The following LIMS1 variants were observed in gnomAD, a reference collection of about 807,000 sequenced individuals.
The protein encoded by LIMS1 is LIM zinc finger domain containing 1.
A neutral mutation model predicts 44.1 loss-of-function variants in LIMS1; 18 were observed. The observed-to-expected ratio is 0.41, with a 90% CI of 0.28 to 0.61. LIMS1 has a LOEUF of 0.61. Ranked by LOEUF, LIMS1 falls within the 20% of genes least tolerant of loss-of-function variation. The pLI is 0.32. For synonymous variants in LIMS1, 93 were observed against 149.1 expected (o/e 0.62, Z 2.74); for missense variants, 201 against 422.0 (o/e 0.48, Z 4.59).
intron 1 of LIMS1, among the ~76,000 whole-genome samples, chr2:108,544,487 C>G (rs1684419211): frequency 6.6e-6 from 1 of 152,082 alleles, no homozygotes; most frequent in Non-Finnish European, 1.5e-5. Context: ...TCAGCTTCAA[C>G]AATTATTATT....
chr2:108,549,279 CTTTTTTTTTTTT>C lies in LIMS1; in HGVS notation c.32+14707_32+14718del, dbSNP rs71381966. Among the ~76,000 whole-genome samples the C allele has an allele frequency of 2.6e-3, 144 of 55,782 alleles. 3 individuals are homozygous for C. The highest frequency in any genetic ancestry group is 9.0e-3 in the African/African-American group (119 of 13,276). The allele number at this position is 55,782 out of a possible 152,430, so 36.6% of individuals were successfully genotyped here. A position where few individuals can be genotyped will look rare whatever the true frequency, so the allele number is the denominator to read the frequency against. On this transcript the variant is annotated intron_variant, in intron 1 of 9. Transcript: ENST00000544547. ...ATAATAATGTACAAGTAAAGTGTTT[CTTTTTTTTTTTT>C]TTTTTTTTTTTTTTTTTTTTTGAGA... is the stretch of plus-strand genomic sequence containing the variant.
chr2:108,576,929 C>G (rs1354123921), intron 1 of LIMS1, among the ~76,000 whole-genome samples: 1 of 152,190 alleles, frequency 6.6e-6, no homozygotes, highest in Non-Finnish European at 1.5e-5. Flanking sequence ...AACGTGCCAA[C>G]AGGAGTTTCT....
intron 1 of LIMS1, among the ~76,000 whole-genome samples, chr2:108,557,759 A>G (rs1573323942): frequency 6.6e-6 from 1 of 151,682 alleles, no homozygotes; most frequent in Middle Eastern, 3.4e-3. Flanking sequence ...CAGGTGATCC[A>G]CCTGCCTCAG....
At chr2:108,560,784 G>T (rs574270817) in intron 1 of LIMS1, among the ~76,000 whole-genome samples, 1 of 151,850 alleles carries the variant, frequency 6.6e-6, no homozygotes, top group African/African-American at 2.4e-5. Flanking sequence ...TTTGTTCATC[G>T]TATCCACAAC....
chr2:108,623,314 A>G (rs1414349879), intron 1 of LIMS1, among the ~76,000 whole-genome samples: 2 of 152,130 alleles, frequency 1.3e-5, no homozygotes, highest in East Asian at 3.8e-4. Context: ...AATAGGAATC[A>G]AAGAGAGTAA....
chr2:108,674,716 T>C (rs1692399518), intron 5 of LIMS1, among the ~76,000 whole-genome samples: 1 of 76,896 alleles, frequency 1.3e-5, no homozygotes, highest in African/African-American at 4.4e-5. Flanking sequence ...GCAAGACTCG[T>C]CTCAAAAAAA....
intron 1 of LIMS1, among the ~76,000 whole-genome samples, chr2:108,589,056 G>A (rs1573383495): frequency 6.6e-6 from 1 of 151,884 alleles, no homozygotes; most frequent in Non-Finnish European, 1.5e-5. Context: ...TGCTGCCTAG[G>A]GTCTTTGGTG....
intron 1 of LIMS1, among the ~76,000 whole-genome samples, chr2:108,576,290 G>C (rs1359427975): frequency 6.6e-6 from 1 of 152,052 alleles, no homozygotes; most frequent in Non-Finnish European, 1.5e-5. Context: ...GTTTTGTTTT[G>C]TTGAGACAGG....
chr2:108,588,547 G>A (rs2104675555), intron 1 of LIMS1: 3 of 985,632 alleles, frequency 3.0e-6, no homozygotes, highest in Admixed American at 1.2e-4. Context: ...TGTGTGTAAA[G>A]TGACTAAGGC....
intron 1 of LIMS1, among the ~76,000 whole-genome samples, chr2:108,602,202 A>G (rs967869100): frequency 1.6e-4 from 25 of 152,204 alleles, no homozygotes; most frequent in African/African-American, 6.0e-4. Context: ...TTTTTGGTGA[A>G]GTCCTTAGGT....
At chr2:108,646,910 A>C (rs534760372) in intron 1 of LIMS1, among the ~76,000 whole-genome samples, 1 of 152,132 alleles carries the variant, frequency 6.6e-6, no homozygotes, top group South Asian at 2.1e-4. Flanking sequence ...TTTAGTAGAG[A>C]CAGGGTTTCA....
At chr2:108,677,877 TAG>T in intron 7 of LIMS1, 100 bp from the exon 8 acceptor site, 2 of 1,517,246 alleles carry the variant, frequency 1.3e-6, no homozygotes, top group Non-Finnish European at 1.8e-6. Flanking sequence ...ATTTCTCTAG[TAG>T]TGATAAATCC....
intron 1 of LIMS1, among the ~76,000 whole-genome samples, chr2:108,573,841 G>A (rs1347421976): frequency 6.6e-6 from 1 of 152,170 alleles, no homozygotes; most frequent in African/African-American, 2.4e-5. Flanking sequence ...CTTCTCTGAG[G>A]TGACCTTGGG....
chr2:108,649,405 A>G (rs1690301277), intron 1 of LIMS1, among the ~76,000 whole-genome samples: 1 of 152,236 alleles, frequency 6.6e-6, no homozygotes, highest in Non-Finnish European at 1.5e-5. Flanking sequence ...ACCATTGTGG[A>G]AGACAGTGTG....
chr2:108,612,430 C>T (rs1687707519), intron 1 of LIMS1, among the ~76,000 whole-genome samples: 1 of 151,428 alleles, frequency 6.6e-6, no homozygotes, highest in Admixed American at 6.6e-5. Context: ...CCCTTGGTTT[C>T]AGCGTAGTTG....
At chr2:108,587,274 G>C (rs538587199) in intron 1 of LIMS1, among the ~76,000 whole-genome samples, 1 of 148,112 alleles carries the variant, frequency 6.8e-6, no homozygotes, top group East Asian at 2.0e-4. Context: ...AAAGTGATGA[G>C]TTGTTTTCTT....
chr2:108,657,350 CT>C (rs1254602500), intron 1 of LIMS1, among the ~76,000 whole-genome samples: 2 of 152,290 alleles, frequency 1.3e-5, no homozygotes, highest in African/African-American at 4.8e-5. Context: ...TTTGGTGAAT[CT>C]TTTGAGAGGG....
chr2:108,607,112 G>A, intron 1 of LIMS1: 1 of 922,522 alleles, frequency 1.1e-6, no homozygotes, highest in Non-Finnish European at 1.7e-6. Context: ...TGAGATTACT[G>A]CCCTTATAAA....
At chr2:108,542,224 A>G (rs1236285213) in intron 1 of LIMS1, among the ~76,000 whole-genome samples, 3 of 152,194 alleles carry the variant, frequency 2.0e-5, no homozygotes, top group African/African-American at 7.2e-5. Context: ...ACCCAACATC[A>G]TGAAACATTT....
Sources: gnomAD v4.1 joint callset for allele counts (sites outside exome capture counted in the v4.1 genomes callset) on GRCh38, gnomAD v4.1.1 for gene constraint, MANE v1.5 for transcripts, NCBI Gene and HGNC (gene_info 2026-07-23, HGNC 2026-07-21) for gene names.